Variants in TSPAN14 observed in about 807,000 individuals in gnomAD.
The protein encoded by TSPAN14 is tetraspanin 14, also known as tetraspanin-14.
TSPAN14 carries 16 observed loss-of-function variants against 36.6 expected under a neutral mutation model. That is an observed-to-expected ratio of 0.44 (90% CI 0.30 to 0.66). TSPAN14 has a LOEUF of 0.66. Among genes scored for constraint, TSPAN14 ranks in the 30% least tolerant of loss-of-function variants. The probability of loss-of-function intolerance (pLI) is 0.12; values close to 1 mark genes in which losing one functional copy is unlikely to be tolerated. For missense variants in TSPAN14, 231 were observed against 355.1 expected (o/e 0.65, Z 2.81); for synonymous variants, 139 against 143.8 (o/e 0.97, Z 0.24).
At chr10:80,519,313 C>G (rs945118835) in exon 9 of TSPAN14, 1 of 152,732 alleles carries the variant, frequency 6.5e-6, no homozygotes, top group Non-Finnish European at 1.5e-5. Context: ...CAGGGCTTTT[C>G]TGGGGCTGCT....
intron 1 of TSPAN14, among the ~76,000 whole-genome samples, chr10:80,486,224 C>T (rs144848263): frequency 3.9e-5 from 6 of 152,358 alleles, no homozygotes; most frequent in East Asian, 3.9e-4. Flanking sequence ...GGAAGCCAGG[C>T]GCCCTGTGGA....
intron 8 of TSPAN14, among the ~76,000 whole-genome samples, chr10:80,516,708 AC>A (rs1232544347): frequency 6.6e-6 from 1 of 151,524 alleles, no homozygotes; most frequent in African/African-American, 2.4e-5. Flanking sequence ...GGGAGGTGAA[AC>A]CCTTGGTCAC....
chr10:80,459,214 TG>T (rs1845864403), intron 1 of TSPAN14: 1 of 148,174 alleles, frequency 6.7e-6, no homozygotes, highest in Non-Finnish European at 1.5e-5. Flanking sequence ...CCCTTGGGCT[TG>T]GTGGGGTTGG....
At chr10:80,477,122 C>T (rs1268203335) in intron 1 of TSPAN14, among the ~76,000 whole-genome samples, 1 of 152,234 alleles carries the variant, frequency 6.6e-6, no homozygotes, top group Non-Finnish European at 1.5e-5. Flanking sequence ...TGCATCAAAT[C>T]CTGCTGCTGC....
intron 4 of TSPAN14, 44 bp downstream of exon 4, chr10:80,507,418 T>A: frequency 6.2e-7 from 1 of 1,613,294 alleles, no homozygotes; most frequent in Non-Finnish European, 8.5e-7. Flanking sequence ...TGCAATGGGG[T>A]ACAGGCTCTG....
intron 1 of TSPAN14, among the ~76,000 whole-genome samples, chr10:80,479,252 C>T (rs1333996584): frequency 6.6e-6 from 1 of 150,774 alleles, no homozygotes; most frequent in African/African-American, 2.4e-5. Flanking sequence ...TGCCTGTTCA[C>T]TCTGATGGTA....
intron 1 of TSPAN14, among the ~76,000 whole-genome samples, chr10:80,458,837 C>T (rs915890242): frequency 5.3e-5 from 8 of 151,944 alleles, no homozygotes; most frequent in African/African-American, 1.9e-4. Context: ...GGGCAGTGTC[C>T]AGTGCCGCTC....
intron 1 of TSPAN14, among the ~76,000 whole-genome samples, chr10:80,472,076 T>C (rs1846584185): frequency 1.3e-5 from 2 of 152,072 alleles, no homozygotes; most frequent in Non-Finnish European, 2.9e-5. Flanking sequence ...AGGTCAAGGC[T>C]GCAGTGAGCT....
At chr10:80,474,380 G>A (rs1263828635) in intron 1 of TSPAN14, among the ~76,000 whole-genome samples, 1 of 151,968 alleles carries the variant, frequency 6.6e-6, no homozygotes, top group Admixed American at 6.6e-5. Context: ...GGGTGGGGTT[G>A]AAGGTAGAGA....
rs553705380 is a variant in TSPAN14, at chr10:80,504,808, T to A, written c.132+30T>A. The A allele has an allele frequency of 4.3e-6, 7 of 1,613,760 alleles. 1 individual carries two copies. The highest frequency in any genetic ancestry group is 2.7e-5 in the African/African-American group (2 of 74,916). ...GTGTAACTGTCGCAGGACACTGAGCTTCAGGCAGCCAAAACCAGATTCGTT... is the reference window on the plus strand; with the variant it reads ...GTGTAACTGTCGCAGGACACTGAGCATCAGGCAGCCAAAACCAGATTCGTT... On this transcript the variant is annotated intron_variant, in intron 3 of 8. Coordinates refer to ENST00000429989, the Ensembl canonical transcript of TSPAN14.
chr10:80,512,146 C>T (rs1840691687), exon 6 of TSPAN14: 4 of 1,614,032 alleles, frequency 2.5e-6, no homozygotes, highest in Admixed American at 1.7e-5. Context: ...GGTTGCAGAA[C>T]CAGTGCTGTG....
At chr10:80,511,742 CT>C (rs1840650416) in intron 5 of TSPAN14, among the ~76,000 whole-genome samples, 1 of 147,894 alleles carries the variant, frequency 6.8e-6, no homozygotes, top group African/African-American at 2.5e-5. Context: ...CTCTCTCTCT[CT>C]CTCTCTCTCT....
intron 2 of TSPAN14, among the ~76,000 whole-genome samples, chr10:80,503,324 G>A (rs1052274554): frequency 6.6e-6 from 1 of 152,166 alleles, no homozygotes; most frequent in South Asian, 2.1e-4. Flanking sequence ...CTACCCCCTT[G>A]GCTTGGTGCT....
At chr10:80,489,365 A>G in intron 2 of TSPAN14, 51 bp downstream of exon 2, 1 of 1,261,264 alleles carries the variant, frequency 7.9e-7, no homozygotes, top group Non-Finnish European at 1.1e-6. Flanking sequence ...TCATTCAGTA[A>G]ATTATGGTTT....
intron 1 of TSPAN14, among the ~76,000 whole-genome samples, chr10:80,479,480 G>A (rs1343597517): frequency 1.3e-5 from 2 of 152,218 alleles, no homozygotes; most frequent in Non-Finnish European, 2.9e-5. Context: ...TAAAGTGCAA[G>A]GAAGGGATCC....
intron 1 of TSPAN14, among the ~76,000 whole-genome samples, chr10:80,473,967 C>T (rs1315258717): frequency 6.6e-6 from 1 of 152,070 alleles, no homozygotes; most frequent in Non-Finnish European, 1.5e-5. Flanking sequence ...CCTACTGGGG[C>T]CCATTCCCTT....
chr10:80,472,671 T>A (rs1846622239), intron 1 of TSPAN14, among the ~76,000 whole-genome samples: 1 of 152,266 alleles, frequency 6.6e-6, no homozygotes, highest in Non-Finnish European at 1.5e-5. Flanking sequence ...ACAGAACTGC[T>A]GTAGCTATGT....
intron 1 of TSPAN14, among the ~76,000 whole-genome samples, chr10:80,473,664 C>T (rs1019476345): frequency 6.1e-5 from 9 of 148,186 alleles, no homozygotes; most frequent in African/African-American, 1.5e-4. Context: ...CTCCAGTGAG[C>T]GGTTGCTGCC....
chr10:80,476,464 G>A (rs1341732682), intron 1 of TSPAN14, among the ~76,000 whole-genome samples: 2 of 135,722 alleles, frequency 1.5e-5, no homozygotes, highest in African/African-American at 5.8e-5. Context: ...CACCCAGGCT[G>A]GAATGCAGTG....
Sources: allele counts gnomAD v4.1 joint callset (sites outside exome capture counted in the v4.1 genomes callset), GRCh38; gene constraint gnomAD v4.1.1; transcripts MANE v1.5; gene names NCBI Gene and HGNC (gene_info 2026-07-23, HGNC 2026-07-21).